The following GRB14 variants were observed in gnomAD, a reference collection of about 807,000 sequenced individuals.
GRB14 encodes growth factor receptor bound protein 14.
GRB14 carries 38 observed loss-of-function variants against 69.1 expected under a neutral mutation model. The ratio of observed to expected loss-of-function variants is 0.55; its 90% CI spans 0.42 to 0.72. GRB14 has a LOEUF of 0.72. Among genes scored for constraint, GRB14 ranks in the 30% least tolerant of loss-of-function variants. GRB14 has a pLI of 0.00. For missense variants in GRB14, 666 were observed against 666.1 expected (o/e 1.00, Z 0.00); for synonymous variants, 247 against 241.3 (o/e 1.02, Z -0.22).
intron 3 of GRB14, 26 bp downstream of exon 3, chr2:164,547,632 ATG>A (rs760301662): frequency 6.3e-7 from 1 of 1,579,474 alleles, no homozygotes; most frequent in South Asian, 1.2e-5. Context: ...AAAAGCAATG[ATG>A]TGAGACAATA....
intron 3 of GRB14, among the ~76,000 whole-genome samples, chr2:164,545,128 ATTCT>A (rs1401109586): frequency 1.7e-4 from 26 of 152,334 alleles, no homozygotes; most frequent in African/African-American, 5.8e-4. Context: ...TATGTATAAA[ATTCT>A]TTCACAAGTC....
intron 3 of GRB14, among the ~76,000 whole-genome samples, chr2:164,536,562 T>G (rs1255555018): frequency 1.3e-5 from 2 of 152,206 alleles, no homozygotes; most frequent in Admixed American, 1.3e-4. Context: ...TCTTGTCGTT[T>G]TCTCTTGCTC....
intron 2 of GRB14, among the ~76,000 whole-genome samples, chr2:164,552,431 T>C (rs1337359566): frequency 6.6e-6 from 1 of 152,186 alleles, no homozygotes; most frequent in East Asian, 1.9e-4. Context: ...CAAATTTTAA[T>C]AGAAAAGTAT....
intron 9 of GRB14, among the ~76,000 whole-genome samples, chr2:164,500,017 T>G (rs1209949349): frequency 6.6e-6 from 1 of 152,122 alleles, no homozygotes; most frequent in East Asian, 1.9e-4. Flanking sequence ...ATGTCTGTTG[T>G]AGGGTTCTTT....
chr2:164,597,143 C>T (rs1383091689), intron 2 of GRB14, among the ~76,000 whole-genome samples: 1 of 151,994 alleles, frequency 6.6e-6, no homozygotes, highest in Non-Finnish European at 1.5e-5. Flanking sequence ...CAGTGAAACA[C>T]GATCAGTAAA....
chr2:164,577,179 A>G (rs1689272232), intron 2 of GRB14, among the ~76,000 whole-genome samples: 1 of 152,260 alleles, frequency 6.6e-6, no homozygotes, highest in South Asian at 2.1e-4. Context: ...AAAATTCTAT[A>G]TAACCTTTAA....
chr2:164,612,573 C>G (rs1690192985), intron 2 of GRB14, among the ~76,000 whole-genome samples: 1 of 152,206 alleles, frequency 6.6e-6, no homozygotes, highest in South Asian at 2.1e-4. Flanking sequence ...ATTCTCAGGT[C>G]TGCTTACCAC....
chr2:164,495,592 G>A (rs935157199), intron 12 of GRB14, among the ~76,000 whole-genome samples: 5 of 152,126 alleles, frequency 3.3e-5, no homozygotes, highest in Non-Finnish European at 7.4e-5. Context: ...TAAATACACC[G>A]TGTAAATGAT....
chr2:164,574,003 T>C, intron 2 of GRB14: 2 of 1,527,908 alleles, frequency 1.3e-6, no homozygotes, highest in Middle Eastern at 2.3e-4. Flanking sequence ...CCATGAATAT[T>C]GAGAAGAAAA....
intron 2 of GRB14, among the ~76,000 whole-genome samples, chr2:164,556,803 T>A (rs556020943): frequency 6.6e-6 from 1 of 152,266 alleles, no homozygotes; most frequent in African/African-American, 2.4e-5. Context: ...ATGTATGACA[T>A]CAGGGACCAC....
intron 3 of GRB14, chr2:164,539,623 A>C (rs1227737309): frequency 6.6e-6 from 1 of 152,200 alleles, no homozygotes; most frequent in Non-Finnish European, 1.5e-5. Context: ...GTTTAGACAG[A>C]TGAGAAGCAA....
chr2:164,593,912 C>T (rs1448220599), intron 2 of GRB14, among the ~76,000 whole-genome samples: 1 of 152,058 alleles, frequency 6.6e-6, no homozygotes, highest in Non-Finnish European at 1.5e-5. Flanking sequence ...GCAAATGGAA[C>T]AACAAAGCAA....
intron 1 of GRB14, among the ~76,000 whole-genome samples, chr2:164,620,700 G>A (rs534182931): frequency 2.0e-5 from 3 of 152,170 alleles, no homozygotes; most frequent in Non-Finnish European, 4.4e-5. Context: ...CTGCTCGAAT[G>A]TCAATCCATG....
chr2:164,500,401 C>T (rs1687019200), intron 9 of GRB14, among the ~76,000 whole-genome samples: 1 of 151,906 alleles, frequency 6.6e-6, no homozygotes, highest in African/African-American at 2.4e-5. Context: ...AATATTGTTC[C>T]TTTAAAAATA....
chr2:164,501,315 G>A (rs1022008936), intron 9 of GRB14, among the ~76,000 whole-genome samples: 7 of 151,826 alleles, frequency 4.6e-5, no homozygotes, highest in African/African-American at 1.7e-4. Context: ...TCCTAGAACT[G>A]AGCATTTCAT....
At chr2:164,510,510 A>C (rs1310974183) in intron 6 of GRB14, among the ~76,000 whole-genome samples, 1 of 152,174 alleles carries the variant, frequency 6.6e-6, no homozygotes. Context: ...AACTAAAACC[A>C]ATCAAGACCT....
At chr2:164,608,091 G>T (rs1158761828) in intron 2 of GRB14, among the ~76,000 whole-genome samples, 1 of 152,010 alleles carries the variant, frequency 6.6e-6, no homozygotes, top group Non-Finnish European at 1.5e-5. Context: ...TTACATTTTG[G>T]CCAGGCACAG....
chr2:164,497,539 T>A, intron 9 of GRB14, 49 bp from the exon 10 acceptor site: 5 of 1,162,046 alleles, frequency 4.3e-6, no homozygotes, highest in Non-Finnish European at 6.3e-6. Context: ...TTGAAAGTTA[T>A]CTTTCAAATA....
intron 6 of GRB14, among the ~76,000 whole-genome samples, chr2:164,515,154 C>T (rs1448210335): frequency 1.3e-5 from 2 of 152,192 alleles, no homozygotes; most frequent in Non-Finnish European, 2.9e-5. Context: ...AGGACATAAT[C>T]TTTTGGGTGC....
Sources: gnomAD v4.1 joint callset for allele counts (sites outside exome capture counted in the v4.1 genomes callset) on GRCh38, gnomAD v4.1.1 for gene constraint, MANE v1.5 for transcripts, NCBI Gene and HGNC (gene_info 2026-07-23, HGNC 2026-07-21) for gene names.